TP63: variants seen among roughly 807,000 people sequenced by gnomAD.
TP63 encodes the protein tumor protein p63.
A neutral mutation model predicts 82.8 loss-of-function variants in TP63; 17 were observed. The observed-to-expected ratio is 0.21, with a 90% CI of 0.14 to 0.31. TP63 has a LOEUF of 0.31. Ranked by LOEUF, TP63 falls within the 10% of genes least tolerant of loss-of-function variation. TP63 has a pLI of 1.00. For missense variants in TP63, 648 were observed against 895.3 expected (o/e 0.72, Z 3.52); for synonymous variants, 330 against 321.7 (o/e 1.03, Z -0.28).
the TP63 span, among the ~76,000 whole-genome samples, chr3:189,614,058 T>G: frequency 6.6e-6 from 1 of 152,172 alleles, no homozygotes; most frequent in Non-Finnish European, 1.5e-5. Flanking sequence ...TGTAGGACTC[T>G]TGGGAAGGCA....
intron 3 of TP63, among the ~76,000 whole-genome samples, chr3:189,760,402 CA>C (rs1439259207): frequency 6.6e-6 from 1 of 152,034 alleles, no homozygotes; most frequent in Non-Finnish European, 1.5e-5. Context: ...AGAAATTGGC[CA>C]AAACAAAGGG....
chr3:189,742,732 C>T (rs1232678537), intron 3 of TP63, among the ~76,000 whole-genome samples: 1 of 152,132 alleles, frequency 6.6e-6, no homozygotes, highest in Non-Finnish European at 1.5e-5. Context: ...GTGACACAGA[C>T]CATGATATCC....
chr3:189,754,587 C>A (rs955925508), intron 3 of TP63, among the ~76,000 whole-genome samples: 2 of 152,060 alleles, frequency 1.3e-5, no homozygotes, highest in African/African-American at 4.8e-5. Context: ...TTGCCGTGTG[C>A]CTTTTCCTGG....
chr3:189,894,150 A>C lies in TP63; in HGVS notation c.1747-56A>C, dbSNP rs1047873631. 5.6e-6 allele frequency: 9 copies of C among 1,606,630 alleles called. No homozygotes were observed. The South Asian group carries it at 7.7e-5, about 14-fold the overall frequency. On this transcript the variant is annotated intron_variant, in intron 13 of 13. Transcript: ENST00000264731. ...GGGAATGATAGGATGCTGTGGACTA[A>C]ATGTCCGTTTTTCTCCCTGTTTTCA...
Position 189,738,608 on chromosome 3 carries a change from T to G in TP63, c.192-34T>G. The G allele has an allele frequency of 3.1e-6, 5 of 1,614,088 alleles. 1 individual carries two copies. The South Asian group carries it at 5.5e-5, about 18-fold the overall frequency. On this transcript the variant is annotated intron_variant, in intron 2 of 13. Transcript: ENST00000264731. ...ATGAGTATATTTTAGTCCCTTTCCA[T>G]GCCTAACTCACTTTTTTCTTTCCTA...
chr3:189,739,330 G>T (rs1423798670), intron 3 of TP63, among the ~76,000 whole-genome samples: 1 of 152,086 alleles, frequency 6.6e-6, no homozygotes, highest in African/African-American at 2.4e-5. Context: ...TGGCCAAGCT[G>T]GTCTCGAACT....
At chr3:189,661,200 C>CT (rs1354424924) in intron 1 of TP63, among the ~76,000 whole-genome samples, 14 of 151,928 alleles carry the variant, frequency 9.2e-5, no homozygotes, top group Non-Finnish European at 1.5e-5. Flanking sequence ...ATGATGTTGG[C>CT]TGTAGGTTTG....
At chr3:189,788,515 C>T (rs958931200) in intron 3 of TP63, among the ~76,000 whole-genome samples, 3 of 150,052 alleles carry the variant, frequency 2.0e-5, no homozygotes, top group Admixed American at 6.7e-5. Context: ...TCACAATTTT[C>T]ACTTATAGTT....
chr3:189,851,462 C>T (rs1263362885), intron 4 of TP63, among the ~76,000 whole-genome samples: 1 of 152,090 alleles, frequency 6.6e-6, no homozygotes, highest in Non-Finnish European at 1.5e-5. Flanking sequence ...GTAATCCCAG[C>T]TACTCTGGAG....
rs746880587 is a variant in TP63, at chr3:189,842,789, G to A, written c.580-21443G>A. The stretch of plus-strand genomic sequence containing the variant: ...CCCTGGCCTTTTTCTCATGATGGTC[G>A]TGACTTTAGGAAACATGTAAGAGTA... On this transcript the variant is annotated intron_variant, in intron 4 of 13. Transcript: ENST00000264731. Among the ~76,000 whole-genome samples, 10 of 152,230 alleles carry A rather than the reference G, an allele frequency of 6.6e-5. No homozygotes were observed. The South Asian group carries it at 1.0e-3, about 16-fold the overall frequency.
At chr3:189,615,874 G>A in the TP63 span, among the ~76,000 whole-genome samples, 1 of 152,100 alleles carries the variant, frequency 6.6e-6, no homozygotes, top group Non-Finnish European at 1.5e-5. Flanking sequence ...GTCATTTTTG[G>A]CCTTCAACCA....
chr3:189,665,617 A>G (rs1305739502), intron 1 of TP63, among the ~76,000 whole-genome samples: 1 of 152,132 alleles, frequency 6.6e-6, no homozygotes, highest in African/African-American at 2.4e-5. Flanking sequence ...TGATGATGAT[A>G]TTGAATCACA....
At chr3:189,795,933 A>G (rs1725654799) in intron 3 of TP63, among the ~76,000 whole-genome samples, 1 of 152,064 alleles carries the variant, frequency 6.6e-6, no homozygotes, top group Non-Finnish European at 1.5e-5. Context: ...CCTATCATTT[A>G]TAGGGACTTA....
Position 189,868,736 on chromosome 3 carries a change from A to G in TP63, c.1129+20A>G. The G allele has an allele frequency of 6.2e-7, 1 of 1,613,868 alleles. No individual in the cohort carries two copies. Among genetic ancestry groups the G allele is most frequent in the Non-Finnish European group, 8.5e-7 (1 of 1,179,842 alleles). ...AGCGCCGTAAGTAGATGTAGTGGCC[A>G]AATGGGGTAGGGTTGAATCTTCTCC... On this transcript the variant is annotated intron_variant, in intron 8 of 13. Transcript: ENST00000264731.
chr3:189,656,365 A>C (rs1251683615), intron 1 of TP63, among the ~76,000 whole-genome samples: 1 of 152,184 alleles, frequency 6.6e-6, no homozygotes, highest in Non-Finnish European at 1.5e-5. Flanking sequence ...CAATTTTTAC[A>C]TAAATAGAGG....
chr3:189,870,856 C>T (rs1450903375), intron 9 of TP63, among the ~76,000 whole-genome samples: 2 of 152,112 alleles, frequency 1.3e-5, no homozygotes, highest in South Asian at 2.1e-4. Flanking sequence ...TGAACTACTA[C>T]CCTGGGATTG....
Position 189,821,994 on chromosome 3 carries a change from G to A in TP63, c.579+13468G>A, listed in dbSNP as rs968248872. 2.0e-5 allele frequency among the ~76,000 whole-genome samples: 3 copies of A among 152,148 alleles called. No individual in the cohort carries two copies. In the East Asian group the frequency reaches 5.8e-4, roughly 29 times the overall value. On this transcript the variant is annotated intron_variant, in intron 4 of 13. Transcript: ENST00000264731. ...TGCCTAAGGAAACAGGAGGGTGTAG[G>A]AGAAAGAATTCAGCTTTGTGGTCAG... is the stretch of plus-strand genomic sequence containing the variant.
At chr3:189,811,421 AT>A (rs1431324938) in intron 4 of TP63, among the ~76,000 whole-genome samples, 2 of 152,138 alleles carry the variant, frequency 1.3e-5, no homozygotes, top group African/African-American at 4.8e-5. Flanking sequence ...CACATATCAC[AT>A]GGTAATTATA....
chr3:189,675,423 T>C (rs946480326), intron 1 of TP63, among the ~76,000 whole-genome samples: 3 of 152,046 alleles, frequency 2.0e-5, no homozygotes, highest in Non-Finnish European at 1.5e-5. Context: ...ATTATAAAAA[T>C]ATAAGGAGGT....
Sources: gnomAD v4.1 joint callset for allele counts (sites outside exome capture counted in the v4.1 genomes callset) on GRCh38, gnomAD v4.1.1 for gene constraint, MANE v1.5 for transcripts, NCBI Gene and HGNC (gene_info 2026-07-23, HGNC 2026-07-21) for gene names.